HGF: variants seen among roughly 807,000 people sequenced by gnomAD.
HGF encodes fibroblast-derived tumor cytotoxic factor.
Under a neutral mutation model 111.6 loss-of-function variants are expected in HGF, and 39 were observed. The observed-to-expected ratio is 0.35, with a 90% CI of 0.27 to 0.46. The LOEUF (loss-of-function observed/expected upper bound fraction) is 0.46. Ranked by LOEUF, HGF falls within the 20% of genes least tolerant of loss-of-function variation. The pLI is 1.00. For synonymous variants in HGF, 285 were observed against 294.8 expected (o/e 0.97, Z 0.34); for missense variants, 735 against 910.5 (o/e 0.81, Z 2.48).
intron 16 of HGF, 37 bp from the exon 17 acceptor site, chr7:81,705,572 A>G: frequency 6.2e-7 from 1 of 1,609,662 alleles, no homozygotes. Flanking sequence ...AAGGTGAGAA[A>G]AGTAAGAAAC....
At chr7:81,761,949 G>A (rs1036421836) in intron 2 of HGF, among the ~76,000 whole-genome samples, 2 of 152,170 alleles carry the variant, frequency 1.3e-5, no homozygotes, top group Non-Finnish European at 2.9e-5. Context: ...AGAATCTAAT[G>A]TGGCAGATCC....
chr7:81,740,574 T>A (rs1030193454), intron 7 of HGF, among the ~76,000 whole-genome samples: 1 of 152,188 alleles, frequency 6.6e-6, no homozygotes, highest in African/African-American at 2.4e-5. Flanking sequence ...AAAAGGGAAA[T>A]TAACCTAGGC....
At chr7:81,768,834 A>G (rs1015378554) in intron 1 of HGF, among the ~76,000 whole-genome samples, 1 of 152,172 alleles carries the variant, frequency 6.6e-6, no homozygotes, top group African/African-American at 2.4e-5. Flanking sequence ...TCACAAAATA[A>G]AAGAAAACCA....
At chr7:81,721,304 C>G (rs950812938) in intron 9 of HGF, among the ~76,000 whole-genome samples, 1 of 152,042 alleles carries the variant, frequency 6.6e-6, no homozygotes, top group Non-Finnish European at 1.5e-5. Flanking sequence ...CAAAAATACT[C>G]AAATATCTCA....
chr7:81,723,954 C>T (rs1789942584), intron 9 of HGF, among the ~76,000 whole-genome samples: 1 of 151,704 alleles, frequency 6.6e-6, no homozygotes, highest in Admixed American at 6.6e-5. Context: ...TACTTAAATT[C>T]CATAAAACTA....
intron 7 of HGF, among the ~76,000 whole-genome samples, chr7:81,740,040 C>G (rs1317931801): frequency 1.3e-5 from 2 of 152,108 alleles, no homozygotes; most frequent in East Asian, 3.9e-4. Context: ...CTCTTTACCC[C>G]CTTCCTCACT....
At chr7:81,741,590 T>G (rs947130370) in intron 7 of HGF, among the ~76,000 whole-genome samples, 2 of 136,064 alleles carry the variant, frequency 1.5e-5, no homozygotes. Context: ...TGTCTGTGTG[T>G]GTGTGTGTGT....
In HGF at chr7:81,752,415, T is replaced by C. The variant is rs979692; in HGVS notation, c.483-153A>G. ...ATTTTACCTTAAAATTCTGTCATTT[T>C]CATCTGTCCTTAAAACGTTTGAATT... On this transcript the variant is annotated intron_variant, in intron 4 of 17. Coordinates refer to ENST00000222390, the MANE Select transcript of HGF (RefSeq NM_000601.6). Among the ~76,000 whole-genome samples the C allele has an allele frequency of 0.83, 126,090 of 152,022 alleles. 52,878 individuals are homozygous for C. Among genetic ancestry groups the C allele is most frequent in the African/African-American group, 0.95 (39,392 of 41,506 alleles).
At chr7:81,733,271 A>G (rs757832) in intron 7 of HGF, among the ~76,000 whole-genome samples, 113,957 of 151,654 alleles carry the variant, frequency 0.75, 43,057 homozygotes, top group Middle Eastern at 0.87. Flanking sequence ...AATTTTTTAA[A>G]TTATAGAATA....
Position 81,710,188 on chromosome 7 carries a change from T to C in HGF, c.1500A>G (p.Pro500=), listed in dbSNP as rs1306136305. Residue 500 remains proline (P), a synonymous_variant, in exon 13 of 18, where the codon CCA becomes CCG. Transcript: ENST00000222390. ...CCATCCATCCTATGTTTGTTCGTGT[T>C]GGAATCCCATTTACAACTCGCAATT... ...TKQLRVVNGI[P]TRTNIGWMVS... 6.2e-7 allele frequency: 1 copy of C among 1,613,574 alleles called. No homozygotes were observed.
intron 7 of HGF, among the ~76,000 whole-genome samples, chr7:81,733,163 T>A (rs1034556664): frequency 1.6e-4 from 24 of 152,118 alleles, no homozygotes; most frequent in African/African-American, 2.4e-5. Flanking sequence ...AAAAAGTATG[T>A]AAAATCATTA....
intron 11 of HGF, among the ~76,000 whole-genome samples, chr7:81,713,989 C>CGTGTGT (rs10539468): frequency 0.012 from 1,667 of 142,406 alleles, 24 homozygotes; most frequent in African/African-American, 0.036. Flanking sequence ...GGTGTGTGTG[C>CGTGTGT]GTGTGTGTGT....
In HGF at chr7:81,743,407, A is replaced by G; in HGVS notation, c.811T>C (p.Cys271Arg). 1 of 1,613,946 alleles carries G rather than the reference A, an allele frequency of 6.2e-7. No individual in the cohort carries two copies. The highest frequency in any genetic ancestry group is 8.5e-7 in the Non-Finnish European group (1 of 1,179,830). ...RNPDGQPRPW[C>R]YTLDPHTRWE... The stretch of plus-strand genomic sequence containing the variant: ...CGGGTGTGAGGGTCAAGAGTATAGC[A>G]CCATGGCCTCGGCTGGCCATCGGGA... The change falls in exon 7 of 18, where the codon TGC becomes CGC. Residue 271 changes from cysteine to arginine, a missense_variant. By Grantham distance (180) the Cys-to-Arg change is radical. Coordinates refer to ENST00000222390, the MANE Select transcript of HGF (RefSeq NM_000601.6).
chr7:81,731,164 C>T (rs1222688244), intron 7 of HGF, among the ~76,000 whole-genome samples: 10 of 152,094 alleles, frequency 6.6e-5, no homozygotes, highest in Admixed American at 3.3e-4. Context: ...AGTTATTCTA[C>T]GAAGCTTTGT....
At chr7:81,713,692 G>A (rs182587161) in intron 11 of HGF, among the ~76,000 whole-genome samples, 1 of 152,180 alleles carries the variant, frequency 6.6e-6, no homozygotes, top group East Asian at 1.9e-4. Context: ...CTGGGTTGGT[G>A]GCCGGATGCA....
intron 7 of HGF, among the ~76,000 whole-genome samples, chr7:81,739,859 T>A (rs373392836): frequency 2.8e-4 from 42 of 152,258 alleles, no homozygotes; most frequent in African/African-American, 9.9e-4. Flanking sequence ...TTTGCTTAAT[T>A]TTTCAGTGTT....
chr7:81,709,020 A>G (rs966935898), intron 13 of HGF, among the ~76,000 whole-genome samples: 43 of 152,200 alleles, frequency 2.8e-4, no homozygotes, highest in Admixed American at 2.8e-3. Flanking sequence ...ATCAAATTAT[A>G]TAAACTCTTG....
At chr7:81,735,009 C>T (rs187512570) in intron 7 of HGF, among the ~76,000 whole-genome samples, 2 of 152,162 alleles carry the variant, frequency 1.3e-5, no homozygotes, top group Admixed American at 1.3e-4. Context: ...TAAAGAGCAA[C>T]TGAAATAGAA....
At chr7:81,760,453 A>G (rs1789009324) in intron 2 of HGF, among the ~76,000 whole-genome samples, 1 of 152,128 alleles carries the variant, frequency 6.6e-6, no homozygotes, top group Non-Finnish European at 1.5e-5. Flanking sequence ...GTTCCACCTC[A>G]CACTCATTCA....
Sources: gnomAD v4.1 joint callset for allele counts (sites outside exome capture counted in the v4.1 genomes callset) on GRCh38, gnomAD v4.1.1 for gene constraint, MANE v1.5 for transcripts, NCBI Gene and HGNC (gene_info 2026-07-23, HGNC 2026-07-21) for gene names.